The following SLC39A14 variants were observed in gnomAD, a reference collection of about 807,000 sequenced individuals.
SLC39A14 encodes the protein metal cation symporter ZIP14.
Under a neutral mutation model 45.5 loss-of-function variants are expected in SLC39A14, and 19 were observed. The ratio of observed to expected loss-of-function variants is 0.42; its 90% confidence interval spans 0.29 to 0.61. The LOEUF (loss-of-function observed/expected upper bound fraction) is 0.61, where lower values mean the gene tolerates loss of function less well. Among genes scored for constraint, SLC39A14 ranks in the 20% least tolerant of loss-of-function variants. The pLI, the probability that SLC39A14 is intolerant of heterozygous loss-of-function variation, is 0.22. For synonymous variants in SLC39A14, 264 were observed against 251.3 expected (o/e 1.05, Z -0.48); for missense variants, 447 against 616.5 (o/e 0.73, Z 2.91).
chr8:22,429,871 G>C (rs1836441515), intron 8 of SLC39A14, among the ~76,000 whole-genome samples: 1 of 152,224 alleles, frequency 6.6e-6, no homozygotes, highest in Admixed American at 6.5e-5. Context: ...GGAATGGGCA[G>C]ACAGGGATAG....
At chr8:22,430,216 TACC>T (rs1836446717) in intron 8 of SLC39A14, among the ~76,000 whole-genome samples, 1 of 72,626 alleles carries the variant, frequency 1.4e-5, no homozygotes, top group Admixed American at 1.5e-4. Flanking sequence ...TCCTCCCACC[TACC>T]TCAACCAGCC....
chr8:22,389,556 T>C (rs1833959296), intron 1 of SLC39A14, among the ~76,000 whole-genome samples: 2 of 151,968 alleles, frequency 1.3e-5, no homozygotes, highest in Admixed American at 1.3e-4. Context: ...TTGCTGCCCA[T>C]CCAAGCATGC....
Position 22,379,765 on chromosome 8 carries a change from C to T in SLC39A14, c.-16+12357C>T, listed in dbSNP as rs978715181. Among the ~76,000 whole-genome samples, 3 of 151,870 alleles carry T rather than the reference C, an allele frequency of 2.0e-5. No individual in the cohort carries two copies. In the South Asian group the frequency reaches 6.2e-4, roughly 32 times the overall value. ...CCAACATGGTGAAACCCCGTCTGTA[C>T]TAAAAATACAAAAATTAGCTGGGGG... On this transcript the variant is annotated intron_variant, in intron 1 of 8. Transcript: ENST00000381237.
intron 8 of SLC39A14, 80 bp downstream of exon 8, chr8:22,417,915 T>A: frequency 8.1e-7 from 1 of 1,238,310 alleles, no homozygotes; most frequent in Non-Finnish European, 1.1e-6. Flanking sequence ...TTATTTTTAT[T>A]TTTTTGAGAT....
In SLC39A14 at chr8:22,416,062, C is replaced by T. The variant is rs1835860429; in HGVS notation, c.940-11C>T. 1 of 1,613,546 alleles carries T rather than the reference C, an allele frequency of 6.2e-7. No individual in the cohort carries two copies. The highest frequency in any genetic ancestry group is 1.3e-5 in the African/African-American group (1 of 74,898). On this transcript the variant is annotated splice_polypyrimidine_tract_variant and intron_variant, in intron 6 of 8. Coordinates refer to ENST00000381237, the MANE Select transcript of SLC39A14 (RefSeq NM_001128431.4). The stretch of plus-strand genomic sequence containing the variant: ...TGACGCTGTGGGCCCTGGGGGTGTG[C>T]TTTCTCCTAGGACCTGCAGGCTTCC...
At chr8:22,427,109 A>G (rs1007626169), downstream of SLC39A14, among the ~76,000 whole-genome samples, 57 of 152,110 alleles carry the variant, frequency 3.7e-4, no homozygotes, top group African/African-American at 1.3e-3. Context: ...CCTGGCCAAC[A>G]TGGAGAAACC....
chr8:22,399,611 C>T (rs1370893314), intron 1 of SLC39A14, among the ~76,000 whole-genome samples: 1 of 152,250 alleles, frequency 6.6e-6, no homozygotes, highest in South Asian at 2.1e-4. Flanking sequence ...GAGGAAAGAG[C>T]AGCTGTGCTG....
chr8:22,388,600 C>A (rs1364311150), intron 1 of SLC39A14, among the ~76,000 whole-genome samples: 1 of 147,524 alleles, frequency 6.8e-6, no homozygotes, highest in Non-Finnish European at 1.5e-5. Context: ...AGGGGAGGGG[C>A]TGGGTGGCCA....
intron 8 of SLC39A14, among the ~76,000 whole-genome samples, chr8:22,432,809 G>A (rs1406590603): frequency 2.9e-5 from 4 of 136,882 alleles, no homozygotes; most frequent in East Asian, 2.3e-4. Flanking sequence ...CACAACACCC[G>A]GCTATTTTGT....
intron 6 of SLC39A14, 39 bp downstream of exon 6, chr8:22,415,996 G>C: frequency 1.2e-6 from 2 of 1,603,884 alleles, no homozygotes; most frequent in Non-Finnish European, 1.7e-6. Context: ...GCCTCTAAGA[G>C]GTTGACTCAG....
chr8:22,415,761 C>A lies in SLC39A14; in HGVS notation c.751-8C>A. 1 of 1,606,528 alleles carries A rather than the reference C, an allele frequency of 6.2e-7. No homozygotes were observed. Among genetic ancestry groups the A allele is most frequent in the Non-Finnish European group, 8.5e-7 (1 of 1,178,222 alleles). On this transcript the variant is annotated splice_polypyrimidine_tract_variant and splice_region_variant and intron_variant, in intron 5 of 8. Coordinates refer to ENST00000381237, the MANE Select transcript of SLC39A14 (RefSeq NM_001128431.4). ...TGTCATGCTGATCCCTCCCTGTCAC[C>A]CTTCCAGCATCATCATGGACACAGC...
rs1586642029 is a variant in SLC39A14, at chr8:22,377,802, T to G, written c.-16+10394T>G. Among the ~76,000 whole-genome samples, 5 of 152,296 alleles carry G rather than the reference T, an allele frequency of 3.3e-5. No individual in the cohort carries two copies. In the South Asian group the frequency reaches 1.0e-3, roughly 32 times the overall value. ...GATAACATCTGGAGGCAGAGGCAAG[T>G]GTTTCTGATTTTACATACTCTGTGA... On this transcript the variant is annotated intron_variant, in intron 1 of 8. Transcript: ENST00000381237.
At chr8:22,376,256 C>T (rs1225967952) in intron 1 of SLC39A14, among the ~76,000 whole-genome samples, 1 of 151,922 alleles carries the variant, frequency 6.6e-6, no homozygotes, top group Non-Finnish European at 1.5e-5. Flanking sequence ...TCTGCAGCCT[C>T]CACCTCCCAG....
chr8:22,372,031 C>CT (rs1832967972), intron 1 of SLC39A14, among the ~76,000 whole-genome samples: 1 of 152,196 alleles, frequency 6.6e-6, no homozygotes, highest in African/African-American at 2.4e-5. Flanking sequence ...GTGTGAGCCA[C>CT]TTGCACCCGG....
intron 1 of SLC39A14, among the ~76,000 whole-genome samples, chr8:22,397,585 G>C (rs1173329342): frequency 6.7e-6 from 1 of 150,302 alleles, no homozygotes; most frequent in Non-Finnish European, 1.5e-5. Context: ...GCGAGACTCC[G>C]TCCCAAAAAA....
chr8:22,390,391 C>T (rs1834003928), intron 1 of SLC39A14: 2 of 151,892 alleles, frequency 1.3e-5, no homozygotes, highest in Non-Finnish European at 2.9e-5. Context: ...CTGCAACCTC[C>T]TCCTCCTGGG....
intron 4 of SLC39A14, among the ~76,000 whole-genome samples, chr8:22,413,303 G>A (rs1189151841): frequency 6.6e-6 from 1 of 152,126 alleles, no homozygotes; most frequent in Non-Finnish European, 1.5e-5. Context: ...TGGATCCTTA[G>A]GTTAACTCCA....
intron 1 of SLC39A14, among the ~76,000 whole-genome samples, chr8:22,368,526 A>G (rs1194264759): frequency 3.1e-5 from 1 of 31,824 alleles, no homozygotes; most frequent in African/African-American, 2.9e-4. Context: ...ATTTTATTTT[A>G]TTTTATTTTA....
chr8:22,418,379 G>T (rs1029222955), intron 8 of SLC39A14, among the ~76,000 whole-genome samples: 1 of 151,936 alleles, frequency 6.6e-6, no homozygotes, highest in Non-Finnish European at 1.5e-5. Flanking sequence ...ATTTATCTAT[G>T]GTCTTTATTA....
Sources: gnomAD v4.1 joint callset for allele counts (sites outside exome capture counted in the v4.1 genomes callset) on GRCh38, gnomAD v4.1.1 for gene constraint, MANE v1.5 for transcripts, NCBI Gene and HGNC (gene_info 2026-07-23, HGNC 2026-07-21) for gene names.